The following ABCC2 variants were observed in gnomAD, a reference collection of about 807,000 sequenced individuals.
The protein encoded by ABCC2 is ATP-binding cassette sub-family C member 2.
A neutral mutation model predicts 173.4 loss-of-function variants in ABCC2; 157 were observed. The observed-to-expected ratio is 0.91, with a 90% CI of 0.80 to 1.03. The LOEUF (loss-of-function observed/expected upper bound fraction) is 1.03. Ranked by LOEUF, ABCC2 falls within the 50% of genes least tolerant of loss-of-function variation. ABCC2 has a pLI of 0.00. For missense variants in ABCC2, 1,822 were observed against 1,852.3 expected, an observed-to-expected ratio of 0.98 and a Z score of 0.30; for synonymous variants, 657 against 693.5, an observed-to-expected ratio of 0.95 and a Z score of 0.83.
Position 99,852,044 on chromosome 10 carries a change from A to G in ABCC2, c.*413A>G, listed in dbSNP as rs1389393294. On this transcript the variant is annotated 3_prime_UTR_variant, in exon 32 of 32. Coordinates refer to ENST00000647814, the MANE Select transcript of ABCC2 (RefSeq NM_000392.5). ...TTGTTCAATATTATATCTGAGATTC[A>G]TCCATGGTGATGCAAATAGGTGCAT... 7 of 173,962 alleles carry G rather than the reference A, an allele frequency of 4.0e-5. No individual in the cohort carries two copies. The highest frequency in any genetic ancestry group is 3.9e-4 in the Admixed American group (7 of 17,862). The allele number at this position is 173,962 out of a possible 1,614,324, so 10.8% of individuals were successfully genotyped here.
intron 14 of ABCC2, among the ~76,000 whole-genome samples, chr10:99,811,323 A>G (rs1407519063): frequency 6.6e-6 from 1 of 151,230 alleles, no homozygotes; most frequent in Non-Finnish European, 1.5e-5. Context: ...AAGTGAGACC[A>G]TGACTCAAAA....
Position 99,782,682 on chromosome 10 carries a change from G to A in ABCC2, c.-163G>A. ...CTGTTTCAATGTAACATGCATCTAG[G>A]CAAGGTTAACGATTAAATGGTTGGG... On this transcript the variant is annotated 5_prime_UTR_variant, in exon 1 of 32. Transcript: ENST00000647814. 1 of 805,128 alleles carries A rather than the reference G, an allele frequency of 1.2e-6. No homozygotes were observed. Among genetic ancestry groups the A allele is most frequent in the Non-Finnish European group, 2.0e-6 (1 of 493,354 alleles). The allele number at this position is 805,128 out of a possible 1,614,324, so 49.9% of individuals were successfully genotyped here.
Position 99,819,187 on chromosome 10 carries a change from T to C in ABCC2, c.2538T>C (p.Ser846=). Residue 846 remains serine (S), a synonymous_variant, in exon 19 of 32, where the codon AGT becomes AGC. Transcript: ENST00000647814. ...NGTIVEKGSY[S]ALLAKKGEFA... ...CAATTGTAGAGAAAGGATCCTACAG[T>C]GCTCTCCTGGCCAAAAAAGGAGAGT... is the stretch of plus-strand genomic sequence containing the variant. 6.2e-7 allele frequency: 1 copy of C among 1,614,130 alleles called. No individual in the cohort carries two copies. The highest frequency in any genetic ancestry group is 8.5e-7 in the Non-Finnish European group (1 of 1,179,996).
At chr10:99,803,533 T>C (rs1184198645) in intron 9 of ABCC2, among the ~76,000 whole-genome samples, 1 of 152,208 alleles carries the variant, frequency 6.6e-6, no homozygotes, top group African/African-American at 2.4e-5. Context: ...TTCTCTACTA[T>C]GTGCCACATA....
rs1260635876 is a variant in ABCC2, at chr10:99,819,108, A to G, written c.2459A>G (p.His820Arg). 1.9e-6 allele frequency: 3 copies of G among 1,614,078 alleles called. No homozygotes were observed. The African/African-American group carries it at 4.0e-5, about 22-fold the overall frequency. The change falls in exon 19 of 32, where the codon CAT becomes CGT. Residue 820 changes from histidine (H) to arginine (R), a missense_variant. Transcript: ENST00000647814. ...TTATAGACTCGACTCTTGGTTACAC[A>G]TAGCATGCACTTTCTTCCTCAAGTG... ...LKGKTRLLVT[H>R]SMHFLPQVDE...
At chr10:99,784,418 C>A (rs1332623584) in intron 1 of ABCC2, among the ~76,000 whole-genome samples, 190 bp from the exon 2 acceptor site, 4 of 152,130 alleles carry the variant, frequency 2.6e-5, no homozygotes, top group Non-Finnish European at 4.4e-5. Context: ...CAGAAAGTGA[C>A]TACATTTGTC....
At chr10:99,849,004 C>G (rs2133155631) in intron 30 of ABCC2, among the ~76,000 whole-genome samples, 1 of 152,306 alleles carries the variant, frequency 6.6e-6, no homozygotes, top group African/African-American at 2.4e-5. Flanking sequence ...GCAGCCGGAT[C>G]ACCTGAGGTC....
In ABCC2 at chr10:99,810,232, G is replaced by T. The variant is rs199762305; in HGVS notation, c.1900+14G>T. On this transcript the variant is annotated intron_variant, in intron 14 of 31. Transcript: ENST00000647814. ...ACTGCAATTTTGGTAAATAAATTTG[G>T]AAGTTGCTTCCCAAACTTATTCGCA... is the stretch of plus-strand genomic sequence containing the variant. The T allele has an allele frequency of 9.9e-6, 16 of 1,611,262 alleles. No individual in the cohort carries two copies. In the East Asian group the frequency reaches 1.3e-4, roughly 13 times the overall value.
At chr10:99,792,798 T>C (rs2037831424) in intron 3 of ABCC2, among the ~76,000 whole-genome samples, 1 of 152,118 alleles carries the variant, frequency 6.6e-6, no homozygotes, top group African/African-American at 2.4e-5. Context: ...TTTCAGGGGG[T>C]GGGGCCTAGA....
intron 29 of ABCC2, among the ~76,000 whole-genome samples, chr10:99,846,655 C>G (rs767161187): frequency 4.6e-5 from 7 of 152,222 alleles, no homozygotes; most frequent in Non-Finnish European, 8.8e-5. Flanking sequence ...GGAAGCATCA[C>G]TTGAGCTAAG....
rs751744145 is a variant in ABCC2, at chr10:99,844,477, G to A, written c.3987+12G>A. ...GTAGCATGGAGAAGGTAGGTGGAGT[G>A]AAGGAAGGCCTGGATGGGAGGCCTT... On this transcript the variant is annotated intron_variant, in intron 28 of 31. Transcript: ENST00000647814. 6 of 1,612,508 alleles carry A rather than the reference G, an allele frequency of 3.7e-6. No individual in the cohort carries two copies. The South Asian group carries it at 4.4e-5, about 12-fold the overall frequency.
chr10:99,811,437 C>T, intron 14 of ABCC2, 99 bp from the exon 15 acceptor site: 1 of 1,231,594 alleles, frequency 8.1e-7, no homozygotes, highest in Non-Finnish European at 1.2e-6. Context: ...TTAGCAGAAA[C>T]AATCCTAGGA....
At chr10:99,787,113 A>G (rs370123230) in intron 2 of ABCC2, among the ~76,000 whole-genome samples, 2 of 151,578 alleles carry the variant, frequency 1.3e-5, no homozygotes, top group Admixed American at 6.6e-5. Flanking sequence ...GGTTACAGTG[A>G]GCCAAGATCG....
intron 16 of ABCC2, among the ~76,000 whole-genome samples, chr10:99,814,314 T>TAG (rs1168220112): frequency 1.7e-5 from 1 of 60,606 alleles, no homozygotes; most frequent in South Asian, 5.0e-4. Flanking sequence ...CACATGTATA[T>TAG]ACACACGTAT....
chr10:99,835,368 T>C lies in ABCC2; in HGVS notation c.3415-723T>C, dbSNP rs554225249. 8.0e-4 allele frequency among the ~76,000 whole-genome samples: 121 copies of C among 152,120 alleles called. 1 individual carries two copies. The highest frequency in any genetic ancestry group is 6.8e-3 in the Middle Eastern group (2 of 294). On this transcript the variant is annotated intron_variant, in intron 24 of 31. Transcript: ENST00000647814. ...AGAAGCAGGGTTATTGGAGGGAACA[T>C]CTGTATGTCCATGTATAACATTTTG...
In ABCC2 at chr10:99,816,037, C is replaced by A. The variant is rs111775567; in HGVS notation, c.2095-1271C>A. Among the ~76,000 whole-genome samples, 792 of 150,118 alleles carry A rather than the reference C, an allele frequency of 5.3e-3. 9 individuals are homozygous for A. The highest frequency in any genetic ancestry group is 0.014 in the African/African-American group (565 of 40,664). On this transcript the variant is annotated intron_variant, in intron 16 of 31. Coordinates refer to ENST00000647814, the MANE Select transcript of ABCC2 (RefSeq NM_000392.5). Reference sequence around the variant, plus strand: ...AGGCTGGAGTGCAGTGGCGTGATCTCGGCTCACTGCAACCTCCACCTCCTG... The same window carrying A: ...AGGCTGGAGTGCAGTGGCGTGATCTAGGCTCACTGCAACCTCCACCTCCTG...
At chr10:99,831,483 A>G in intron 21 of ABCC2, 128 bp from the exon 22 acceptor site, 1 of 825,880 alleles carries the variant, frequency 1.2e-6, no homozygotes, top group Non-Finnish European at 2.1e-6. Context: ...ACCACAGACT[A>G]CCAAATTTTG....
At chr10:99,833,668 A>G (rs548213594) in intron 23 of ABCC2, among the ~76,000 whole-genome samples, 36 of 152,322 alleles carry the variant, frequency 2.4e-4, no homozygotes, top group Admixed American at 9.1e-4. Flanking sequence ...TGGGAAAGGT[A>G]GGTTAGACTC....
Position 99,819,217 on chromosome 10 carries a change from T to A in ABCC2, c.2568T>A (p.Ala856=). The A allele has an allele frequency of 5.6e-6, 9 of 1,614,160 alleles. No homozygotes were observed. The highest frequency in any genetic ancestry group is 6.8e-6 in the Non-Finnish European group (8 of 1,180,032). Reference sequence around the variant, plus strand: ...TCCTGGCCAAAAAAGGAGAGTTTGCTAAGAATCTGAAGACATTTCTAAGAC... The same window carrying A: ...TCCTGGCCAAAAAAGGAGAGTTTGCAAAGAATCTGAAGACATTTCTAAGAC... The part of the protein sequence containing the change: ...SALLAKKGEF[A]KNLKTFLRHT... Residue 856 remains alanine (A), a synonymous_variant, in exon 19 of 32, where the codon GCT becomes GCA. Coordinates refer to ENST00000647814, the MANE Select transcript of ABCC2 (RefSeq NM_000392.5).
Sources: allele counts gnomAD v4.1 joint callset (sites outside exome capture counted in the v4.1 genomes callset), GRCh38; gene constraint gnomAD v4.1.1; transcripts MANE v1.5; gene names NCBI Gene and HGNC (gene_info 2026-07-23, HGNC 2026-07-21).